PRKCE: variants seen among roughly 807,000 people sequenced by gnomAD.
PRKCE encodes protein kinase C epsilon.
PRKCE carries 16 observed loss-of-function variants against 85.4 expected under a neutral mutation model. The ratio of observed to expected loss-of-function variants is 0.19; its 90% confidence interval spans 0.13 to 0.28. The LOEUF (loss-of-function observed/expected upper bound fraction) is 0.28, where lower values mean the gene tolerates loss of function less well. Among genes scored for constraint, PRKCE ranks in the 10% least tolerant of loss-of-function variants. The probability of loss-of-function intolerance (pLI) is 1.00; values close to 1 mark genes in which losing one functional copy is unlikely to be tolerated. For missense variants in PRKCE, 573 were observed against 975.2 expected, an observed-to-expected ratio of 0.59 and a Z score of 5.49; for synonymous variants, 388 against 371.5, an observed-to-expected ratio of 1.04 and a Z score of -0.51.
intron 1 of PRKCE, among the ~76,000 whole-genome samples, chr2:45,776,083 A>G (rs899156750): frequency 1.3e-5 from 2 of 152,180 alleles, no homozygotes; most frequent in Non-Finnish European, 2.9e-5. Context: ...ACCCCATGCT[A>G]TTTATTCTGT....
At chr2:46,149,098 A>G (rs1676356680) in intron 12 of PRKCE, among the ~76,000 whole-genome samples, 1 of 152,218 alleles carries the variant, frequency 6.6e-6, no homozygotes, top group Non-Finnish European at 1.5e-5. Context: ...TGCTTCTTCT[A>G]TCCAAATCTT....
At chr2:45,699,515 C>T (rs557085117) in intron 1 of PRKCE, among the ~76,000 whole-genome samples, 17 of 152,214 alleles carry the variant, frequency 1.1e-4, no homozygotes, top group Non-Finnish European at 1.9e-4. Flanking sequence ...ACACAGAGCC[C>T]GTCTGTGTGG....
intron 1 of PRKCE, among the ~76,000 whole-genome samples, chr2:45,814,088 A>T (rs1688846684): frequency 6.6e-6 from 1 of 151,882 alleles, no homozygotes; most frequent in South Asian, 2.1e-4. Context: ...TGAGAAAAAG[A>T]GGGATTTGGC....
intron 2 of PRKCE, among the ~76,000 whole-genome samples, chr2:45,918,425 A>G (rs1166527998): frequency 1.3e-5 from 2 of 152,248 alleles, no homozygotes; most frequent in Non-Finnish European, 2.9e-5. Flanking sequence ...TCATTGTACC[A>G]AACAATTTTA....
chr2:46,082,257 G>T (rs1299297396), intron 10 of PRKCE, among the ~76,000 whole-genome samples: 1 of 152,070 alleles, frequency 6.6e-6, no homozygotes, highest in Non-Finnish European at 1.5e-5. Context: ...ATAGTTGCTT[G>T]GGCCATAATG....
intron 1 of PRKCE, among the ~76,000 whole-genome samples, chr2:45,716,650 G>C (rs1002283819): frequency 7.0e-6 from 1 of 143,434 alleles, no homozygotes; most frequent in Non-Finnish European, 1.5e-5. Flanking sequence ...AGAAGAAGAA[G>C]AAGGAGAAGG....
At chr2:45,846,778 C>T (rs1318355277) in intron 2 of PRKCE, among the ~76,000 whole-genome samples, 1 of 152,148 alleles carries the variant, frequency 6.6e-6, no homozygotes, top group East Asian at 1.9e-4. Flanking sequence ...TCAGATTTCT[C>T]ACCCACAACA....
At chr2:46,044,370 G>A (rs1290944847) in intron 10 of PRKCE, among the ~76,000 whole-genome samples, 1 of 152,206 alleles carries the variant, frequency 6.6e-6, no homozygotes, top group Non-Finnish European at 1.5e-5. Context: ...GGTAATCAGG[G>A]CAGGAATTAG....
At chr2:45,897,605 G>A (rs1402360497) in intron 2 of PRKCE, among the ~76,000 whole-genome samples, 4 of 152,300 alleles carry the variant, frequency 2.6e-5, no homozygotes, top group African/African-American at 9.6e-5. Flanking sequence ...ATGTTTAGAG[G>A]TGCAAGAGGA....
intron 10 of PRKCE, among the ~76,000 whole-genome samples, chr2:46,028,157 G>C (rs557506328): frequency 6.6e-6 from 1 of 152,232 alleles, no homozygotes; most frequent in East Asian, 1.9e-4. Flanking sequence ...GGCCAGGCCG[G>C]TCTCAAACTC....
rs555425079 is a variant in PRKCE at position 46,027,674 on chromosome 2, C to G, written c.1437+17157C>G. On this transcript the variant is annotated intron_variant, in intron 10 of 14. Coordinates refer to ENST00000306156, the MANE Select transcript of PRKCE (RefSeq NM_005400.3). ...CAAAAATTCGAACTTTAACAAAAAA[C>G]TGAGCTTGTGCACTACCTCTGTGTA... Among the ~76,000 whole-genome samples, 5 of 152,316 alleles carry G rather than the reference C, an allele frequency of 3.3e-5. No individual in the cohort carries two copies. In the South Asian group the frequency reaches 8.3e-4, roughly 25 times the overall value.
chr2:46,156,059 GAA>G (rs35235256), intron 13 of PRKCE, among the ~76,000 whole-genome samples: 2,578 of 138,506 alleles, frequency 0.019, 62 homozygotes, highest in African/African-American at 0.054. Context: ...TTGTTACGTG[GAA>G]AAAAAAAAAA....
intron 2 of PRKCE, among the ~76,000 whole-genome samples, chr2:45,863,453 GCT>G (rs1312605544): frequency 6.6e-6 from 1 of 152,092 alleles, no homozygotes; most frequent in Non-Finnish European, 1.5e-5. Context: ...ACCCCAAACA[GCT>G]CTACCTGCAA....
At chr2:45,967,684 A>G (rs1000252646) in intron 2 of PRKCE, among the ~76,000 whole-genome samples, 1 of 151,800 alleles carries the variant, frequency 6.6e-6, no homozygotes, top group Non-Finnish European at 1.5e-5. Context: ...TACAGTCAGG[A>G]TGACTCATTT....
At position 46,159,505 on chromosome 2, in the gene PRKCE, C is replaced by A. The variant is rs1001071457; in HGVS notation, c.1921-101C>A. 2 of 1,273,024 alleles carry A rather than the reference C, an allele frequency of 1.6e-6. No homozygotes were observed. The highest frequency in any genetic ancestry group is 2.1e-6 in the Non-Finnish European group (2 of 943,898). 78.9% of individuals were successfully genotyped at this position (1,273,024 alleles called of 1,614,324 possible). A position where few individuals can be genotyped will look rare whatever the true frequency, so the allele number is the denominator to read the frequency against. On this transcript the variant is annotated intron_variant, in intron 13 of 14. Transcript: ENST00000306156. The surrounding 1 kb of genome is among the most constrained non-coding windows in gnomAD (Gnocchi z 4.1). Reference sequence around the variant, plus strand: ...AAGTGCAAAGAACAGACTTGGGAGGCGATGCTGAAGATGCTGCTTTGGCTG... The same window carrying A: ...AAGTGCAAAGAACAGACTTGGGAGGAGATGCTGAAGATGCTGCTTTGGCTG...
At chr2:45,703,323 C>T (rs901660023) in intron 1 of PRKCE, among the ~76,000 whole-genome samples, 5 of 151,880 alleles carry the variant, frequency 3.3e-5, no homozygotes, top group Admixed American at 2.6e-4. Flanking sequence ...TCACTTGAGG[C>T]CAGGAGTTCA....
chr2:45,741,262 G>A (rs75932698), intron 1 of PRKCE, among the ~76,000 whole-genome samples: 3,066 of 152,268 alleles, frequency 0.02, 108 homozygotes, highest in African/African-American at 0.07. Context: ...TATTTTTGAT[G>A]AGCTGGAATA....
At chr2:46,165,899 C>G (rs1678292152) in intron 14 of PRKCE, among the ~76,000 whole-genome samples, 1 of 152,162 alleles carries the variant, frequency 6.6e-6, no homozygotes, top group African/African-American at 2.4e-5. Context: ...GAAATGCTGG[C>G]CAAGTAAACT....
chr2:45,802,475 G>A (rs1481751526), intron 1 of PRKCE, among the ~76,000 whole-genome samples: 1 of 152,124 alleles, frequency 6.6e-6, no homozygotes, highest in South Asian at 2.1e-4. Flanking sequence ...TGTAATTGAT[G>A]TGAATGTGTT....
Sources: allele counts gnomAD v4.1 joint callset (sites outside exome capture counted in the v4.1 genomes callset), GRCh38; gene constraint gnomAD v4.1.1; non-coding constraint Gnocchi (gnomAD v3.1); transcripts MANE v1.5; gene names NCBI Gene and HGNC (gene_info 2026-07-23, HGNC 2026-07-21).